The following MRTFA variants were observed in gnomAD, a reference collection of about 807,000 sequenced individuals.
MRTFA encodes the protein myocardin-related transcription factor A.
Under a neutral mutation model 83.5 loss-of-function variants are expected in MRTFA, and 20 were observed. The ratio of observed to expected loss-of-function variants is 0.24; its 90% CI spans 0.17 to 0.35. The LOEUF (loss-of-function observed/expected upper bound fraction) is 0.35, where lower values mean the gene tolerates loss of function less well. Among genes scored for constraint, MRTFA ranks in the 10% least tolerant of loss-of-function variants. The pLI is 1.00. For missense variants in MRTFA, 1,200 were observed against 1,224.7 expected (o/e 0.98, Z 0.30); for synonymous variants, 659 against 541.2 (o/e 1.22, Z -3.02).
chr22:40,430,285 C>T (rs910223383), intron 6 of MRTFA, among the ~76,000 whole-genome samples: 1 of 151,752 alleles, frequency 6.6e-6, no homozygotes. Context: ...GTCAGGAGTT[C>T]GAGACCAGCC....
At chr22:40,433,646 A>C (rs1314378087) in intron 5 of MRTFA, 2 of 152,366 alleles carry the variant, frequency 1.3e-5, no homozygotes, top group Non-Finnish European at 2.9e-5. Flanking sequence ...CACCAGAAAA[A>C]GAAATGAAAC....
chr22:40,574,188 T>C (rs2055836702), intron 2 of MRTFA, among the ~76,000 whole-genome samples: 1 of 152,214 alleles, frequency 6.6e-6, no homozygotes, highest in African/African-American at 2.4e-5. Flanking sequence ...GTCTTATCAG[T>C]CATTGCTTTT....
chr22:40,628,378 C>T, intron 1 of MRTFA, among the ~76,000 whole-genome samples: 1 of 152,120 alleles, frequency 6.6e-6, no homozygotes, highest in East Asian at 1.9e-4. Context: ...TTGAATTATG[C>T]CCATTATGCT....
chr22:40,468,924 G>T (rs1219155720), intron 3 of MRTFA, among the ~76,000 whole-genome samples: 1 of 152,116 alleles, frequency 6.6e-6, no homozygotes, highest in Admixed American at 6.6e-5. Context: ...GTTTTCATGA[G>T]AATTAACAAT....
chr22:40,519,455 G>A (rs541155290), intron 3 of MRTFA: 21 of 1,336,744 alleles, frequency 1.6e-5, no homozygotes, highest in South Asian at 1.4e-4. Context: ...TTGTTTTAGC[G>A]TTACCTACCA....
At chr22:40,431,609 G>T in intron 5 of MRTFA, 129 bp from the exon 6 acceptor site, 1 of 847,672 alleles carries the variant, frequency 1.2e-6, no homozygotes. Flanking sequence ...CCTTAACTTG[G>T]TGACTGCAGG....
At chr22:40,418,067 A>AGC (rs1383805700) in intron 12 of MRTFA, among the ~76,000 whole-genome samples, 12 of 152,024 alleles carry the variant, frequency 7.9e-5, no homozygotes, top group African/African-American at 2.9e-4. Context: ...CTCCCCACAG[A>AGC]GCAGCACTAG....
At chr22:40,621,929 G>A (rs2056527483) in intron 1 of MRTFA, among the ~76,000 whole-genome samples, 2 of 152,180 alleles carry the variant, frequency 1.3e-5, no homozygotes, top group South Asian at 4.1e-4. Flanking sequence ...GATAACAGAT[G>A]ATTTAGATAA....
intron 3 of MRTFA, among the ~76,000 whole-genome samples, chr22:40,531,690 T>C (rs1347520141): frequency 6.6e-6 from 1 of 152,200 alleles, no homozygotes; most frequent in Non-Finnish European, 1.5e-5. Flanking sequence ...CCCAAAAGTC[T>C]TGACTTTTCA....
chr22:40,422,969 A>C (rs1453839669), intron 9 of MRTFA, among the ~76,000 whole-genome samples: 1 of 152,154 alleles, frequency 6.6e-6, no homozygotes, highest in African/African-American at 2.4e-5. Context: ...GATCCTGGTG[A>C]GATCCTGGTG....
At chr22:40,436,462 T>C (rs77330934) in intron 4 of MRTFA, among the ~76,000 whole-genome samples, 5,145 of 152,228 alleles carry the variant, frequency 0.034, 296 homozygotes, top group African/African-American at 0.12. Context: ...CCCATGGCAA[T>C]TGTATGTGAA....
chr22:40,578,797 C>T (rs558699012), intron 2 of MRTFA, among the ~76,000 whole-genome samples: 2 of 152,218 alleles, frequency 1.3e-5, no homozygotes, highest in South Asian at 2.1e-4. Context: ...GTGGCACACA[C>T]CTGTGGTCCC....
intron 2 of MRTFA, chr22:40,586,771 T>C (rs2056035076): frequency 3.0e-6 from 1 of 335,172 alleles, no homozygotes; most frequent in Admixed American, 3.9e-5. Flanking sequence ...TGGTAGCTGC[T>C]GCCCTTTTTC....
At position 40,410,777 on chromosome 22, in the gene MRTFA, G is replaced by C. The variant is rs532216932; in HGVS notation, c.*613C>G. Reference sequence around the variant, plus strand: ...AGGGAGTTGCACCCATCTCCTGTCCGCCCCCCCCCAAAAATATATATGTAT... The same window carrying C: ...AGGGAGTTGCACCCATCTCCTGTCCCCCCCCCCCCAAAAATATATATGTAT... On this transcript the variant is annotated 3_prime_UTR_variant, in exon 15 of 15. Transcript: ENST00000355630. 1.3e-4 allele frequency: 29 copies of C among 228,936 alleles called. No individual in the cohort carries two copies. The South Asian group carries it at 2.2e-3, about 18-fold the overall frequency. 14.2% of individuals were successfully genotyped at this position (228,936 alleles called of 1,614,324 possible).
chr22:40,499,914 CTTTTTTT>C (rs72041822), intron 3 of MRTFA, among the ~76,000 whole-genome samples: 1 of 84,928 alleles, frequency 1.2e-5, no homozygotes, highest in Non-Finnish European at 2.1e-5. Flanking sequence ...TCAAGTAGAC[CTTTTTTT>C]TTTTTTTTTT....
chr22:40,435,363 C>A, intron 5 of MRTFA, 136 bp downstream of exon 5: 1 of 890,734 alleles, frequency 1.1e-6, no homozygotes, highest in Non-Finnish European at 1.9e-6. Flanking sequence ...AACCACAAGG[C>A]CAGGGCTGGC....
intron 1 of MRTFA, among the ~76,000 whole-genome samples, chr22:40,627,308 C>G (rs1457853222): frequency 7.2e-5 from 11 of 152,144 alleles, no homozygotes; most frequent in Non-Finnish European, 1.5e-5. Context: ...GACACACGGT[C>G]TTGTCATGTT....
intron 4 of MRTFA, among the ~76,000 whole-genome samples, chr22:40,458,276 T>A (rs1173890965): frequency 2.6e-5 from 4 of 152,232 alleles, no homozygotes; most frequent in Non-Finnish European, 4.4e-5. Context: ...ATTTGAAACT[T>A]ATGTTTACAT....
intron 3 of MRTFA, among the ~76,000 whole-genome samples, chr22:40,508,647 A>C (rs2054619325): frequency 1.3e-5 from 2 of 151,478 alleles, no homozygotes; most frequent in South Asian, 4.2e-4. Flanking sequence ...AAGTTTCTTT[A>C]AGGTGGAAGA....
Sources: gnomAD v4.1 joint callset for allele counts (sites outside exome capture counted in the v4.1 genomes callset) on GRCh38, gnomAD v4.1.1 for gene constraint, MANE v1.5 for transcripts, NCBI Gene and HGNC (gene_info 2026-07-23, HGNC 2026-07-21) for gene names.